The following DLGAP2 variants were observed in gnomAD, a reference collection of about 807,000 sequenced individuals.
The protein encoded by DLGAP2 is DLG associated protein 2.
A neutral mutation model predicts 100.3 loss-of-function variants in DLGAP2; 26 were observed. That is an observed-to-expected ratio of 0.26 (90% CI 0.19 to 0.36). DLGAP2 has a LOEUF of 0.36. DLGAP2 is among the 10% of genes least tolerant of loss of function. The pLI, the probability that DLGAP2 is intolerant of heterozygous loss-of-function variation, is 1.00. For missense variants in DLGAP2, 1,858 were observed against 1,453.2 expected (o/e 1.28, Z -4.53); for synonymous variants, 886 against 630.1 (o/e 1.41, Z -6.08).
intron 3 of DLGAP2, among the ~76,000 whole-genome samples, chr8:1,334,452 C>A (rs1456218579): frequency 1.3e-5 from 2 of 152,156 alleles, no homozygotes; most frequent in African/African-American, 4.8e-5. Flanking sequence ...GCTGTGGGAA[C>A]GTGCTGTGGA....
chr8:1,201,345 C>T (rs1332690401), intron 2 of DLGAP2, among the ~76,000 whole-genome samples: 5 of 152,188 alleles, frequency 3.3e-5, no homozygotes, highest in Admixed American at 1.3e-4. Context: ...GCTCTGCTCC[C>T]GCTCAGGGGC....
At position 936,484 on chromosome 8, in the gene DLGAP2, G is replaced by A. The variant is rs1486266763; in HGVS notation, c.73+28518G>A. 5.3e-5 allele frequency among the ~76,000 whole-genome samples: 8 copies of A among 152,332 alleles called. No individual in the cohort carries two copies. In the East Asian group the frequency reaches 1.5e-3, roughly 29 times the overall value. On this transcript the variant is annotated intron_variant, in intron 2 of 14. Coordinates refer to ENST00000637795, the MANE Select transcript of DLGAP2 (RefSeq NM_001346810.2). ...AGCCCAGCCGCCTCTCCCTCTCAGA[G>A]GGAAGCTCTGAAACTAGAGCAGGAC...
chr8:1,424,058 G>A (rs941875698), intron 3 of DLGAP2, among the ~76,000 whole-genome samples: 4 of 152,232 alleles, frequency 2.6e-5, no homozygotes, highest in Non-Finnish European at 2.9e-5. Context: ...TTCTCCTCCT[G>A]TGTGAGATAC....
At chr8:1,262,074 G>T (rs748118630) in intron 3 of DLGAP2, among the ~76,000 whole-genome samples, 1 of 152,182 alleles carries the variant, frequency 6.6e-6, no homozygotes, top group Non-Finnish European at 1.5e-5. Flanking sequence ...GCATTTTAAT[G>T]GTTAGTTCTG....
intron 3 of DLGAP2, among the ~76,000 whole-genome samples, chr8:1,415,543 A>G (rs1473792940): frequency 1.3e-5 from 2 of 152,086 alleles, no homozygotes; most frequent in Non-Finnish European, 2.9e-5. Flanking sequence ...GCCTCCACTT[A>G]TAAGTGAGAA....
intron 2 of DLGAP2, among the ~76,000 whole-genome samples, chr8:1,129,665 TC>T (rs1172344725): frequency 6.6e-6 from 1 of 152,192 alleles, no homozygotes; most frequent in Non-Finnish European, 1.5e-5. Context: ...TGCTTAGTTT[TC>T]TTGTAACTGT....
At chr8:1,108,231 C>A (rs887288692) in intron 2 of DLGAP2, among the ~76,000 whole-genome samples, 1 of 152,130 alleles carries the variant, frequency 6.6e-6, no homozygotes, top group African/African-American at 2.4e-5. Flanking sequence ...TGGAGGCTTT[C>A]TGGAGAATGG....
At chr8:1,429,152 A>G (rs1043305069) in intron 3 of DLGAP2, among the ~76,000 whole-genome samples, 5 of 152,122 alleles carry the variant, frequency 3.3e-5, no homozygotes, top group African/African-American at 9.7e-5. Flanking sequence ...AAAAATCCCT[A>G]CTTAGAGTTA....
intron 1 of DLGAP2, 142 bp from the exon 2 acceptor site, chr8:907,770 T>C: frequency 2.6e-6 from 1 of 391,808 alleles, no homozygotes; most frequent in Non-Finnish European, 4.5e-6. Flanking sequence ...CTGTACCGTT[T>C]AATTTGTTAG....
Position 1,070,360 on chromosome 8 carries a change from T to A in DLGAP2, c.73+162394T>A, listed in dbSNP as rs375016978. ...CTGGTGAGCAGCGGCTGACATGGGC[T>A]CGTCCTGCCATGGCCCAATAAATCT... On this transcript the variant is annotated intron_variant, in intron 2 of 14. Transcript: ENST00000637795. Among the ~76,000 whole-genome samples, 11 of 152,334 alleles carry A rather than the reference T, an allele frequency of 7.2e-5. No homozygotes were observed. The East Asian group carries it at 1.9e-3, about 27-fold the overall frequency.
At chr8:830,865 A>G (rs1199624819) in intron 1 of DLGAP2, among the ~76,000 whole-genome samples, 2 of 149,560 alleles carry the variant, frequency 1.3e-5, no homozygotes, top group Admixed American at 6.7e-5. Flanking sequence ...TTCTTTGCCA[A>G]CAAACCCTAT....
intron 8 of DLGAP2, among the ~76,000 whole-genome samples, chr8:1,647,220 G>A (rs1430701283): frequency 6.6e-6 from 1 of 152,070 alleles, no homozygotes; most frequent in Non-Finnish European, 1.5e-5. Context: ...GACCCCAGGG[G>A]AACCCTAGCG....
At chr8:1,544,079 T>A (rs185488071) in intron 4 of DLGAP2, among the ~76,000 whole-genome samples, 19 of 151,672 alleles carry the variant, frequency 1.3e-4, no homozygotes, top group Middle Eastern at 3.4e-3. Flanking sequence ...ATTTTTGTAT[T>A]TTTTTTTAAA....
chr8:1,531,991 C>T lies in DLGAP2; in HGVS notation c.173-16635C>T, dbSNP rs149655217. Among the ~76,000 whole-genome samples, 264 of 152,314 alleles carry T rather than the reference C, an allele frequency of 1.7e-3. 2 individuals carry two copies. The highest frequency in any genetic ancestry group is 0.015 in the South Asian group (70 of 4,824). On this transcript the variant is annotated intron_variant, in intron 4 of 14. Transcript: ENST00000637795. The stretch of plus-strand genomic sequence containing the variant: ...TAGGGAGACATGAGACATTAATATA[C>T]GTAAGAAGTACACTGGTTCCGTCCA...
chr8:1,431,798 C>T (rs943353847), intron 3 of DLGAP2, among the ~76,000 whole-genome samples: 3 of 152,234 alleles, frequency 2.0e-5, no homozygotes, highest in Non-Finnish European at 2.9e-5. Context: ...GACACTGATG[C>T]GTGCATGACA....
chr8:1,166,992 T>C (rs62487544), intron 2 of DLGAP2, among the ~76,000 whole-genome samples: 19,978 of 152,056 alleles, frequency 0.13, 1,465 homozygotes, highest in East Asian at 0.23. Flanking sequence ...AAAACTTATC[T>C]GGGTGTGGTG....
At chr8:1,220,283 G>T (rs982569322) in intron 2 of DLGAP2, among the ~76,000 whole-genome samples, 1 of 152,102 alleles carries the variant, frequency 6.6e-6, no homozygotes, top group Admixed American at 6.5e-5. Flanking sequence ...CTTTACCTGT[G>T]ACCCAAAGAT....
Position 1,632,853 on chromosome 8 carries a change from A to T in DLGAP2, c.1617A>T (p.Gln539His), listed in dbSNP as rs898737929. Reference sequence around the variant, plus strand: ...TGAGCGAGGCGGAGATCAATGGGCAATTCGAGTCCGTGTGCGAGTCCGTCT... The same window carrying T: ...TGAGCGAGGCGGAGATCAATGGGCATTTCGAGTCCGTGTGCGAGTCCGTCT... ...SQVSEAEINGQFESVCESVFS... is the reference protein window; with the variant it reads ...SQVSEAEINGHFESVCESVFS... The change falls in exon 8 of 15, where the codon CAA becomes CAT. Residue 539 changes from glutamine to histidine, a missense_variant. Transcript: ENST00000637795. 6.2e-7 allele frequency: 1 copy of T among 1,613,032 alleles called. No homozygotes were observed.
chr8:1,216,603 T>G (rs1798219032), intron 2 of DLGAP2, among the ~76,000 whole-genome samples: 1 of 152,088 alleles, frequency 6.6e-6, no homozygotes, highest in African/African-American at 2.4e-5. Context: ...CTCAAAGTGC[T>G]GAGATTACAG....
Sources: allele counts gnomAD v4.1 joint callset (sites outside exome capture counted in the v4.1 genomes callset), GRCh38; gene constraint gnomAD v4.1.1; transcripts MANE v1.5; gene names NCBI Gene and HGNC (gene_info 2026-07-23, HGNC 2026-07-21).